SLC8A3: variants seen among roughly 807,000 people sequenced by gnomAD.
SLC8A3 encodes the protein solute carrier family 8 member A3.
SLC8A3 carries 37 observed loss-of-function variants against 65.4 expected under a neutral mutation model. The ratio of observed to expected loss-of-function variants is 0.57; its 90% CI spans 0.44 to 0.74. SLC8A3 has a LOEUF of 0.74. Among genes scored for constraint, SLC8A3 ranks in the 30% least tolerant of loss-of-function variants. SLC8A3 has a pLI of 0.00. For synonymous variants in SLC8A3, 461 were observed against 444.5 expected, an observed-to-expected ratio of 1.04 and a Z score of -0.47; for missense variants, 1,112 against 1,172.1, an observed-to-expected ratio of 0.95 and a Z score of 0.75.
intron 3 of SLC8A3, among the ~76,000 whole-genome samples, chr14:70,058,421 A>G (rs947520765): frequency 4.6e-5 from 7 of 152,216 alleles, no homozygotes; most frequent in African/African-American, 1.4e-4. Flanking sequence ...GAAAACATAG[A>G]CAATAAAATA....
At chr14:70,075,114 A>G (rs919241814) in intron 2 of SLC8A3, among the ~76,000 whole-genome samples, 1 of 152,038 alleles carries the variant, frequency 6.6e-6, no homozygotes, top group African/African-American at 2.4e-5. Flanking sequence ...GTCTCCTTCA[A>G]CTGTGTGTAT....
chr14:70,135,931 T>C (rs1186789069), intron 2 of SLC8A3, among the ~76,000 whole-genome samples: 1 of 152,120 alleles, frequency 6.6e-6, no homozygotes, highest in African/African-American at 2.4e-5. Flanking sequence ...ATGAGAAATG[T>C]TTGAGGTGAT....
intron 1 of SLC8A3, among the ~76,000 whole-genome samples, chr14:70,168,912 A>G (rs138032398): frequency 1.3e-5 from 2 of 152,298 alleles, no homozygotes; most frequent in Non-Finnish European, 2.9e-5. Context: ...ATAGGTTTGC[A>G]AGAGAGTATA....
intron 2 of SLC8A3, among the ~76,000 whole-genome samples, chr14:70,104,837 A>G (rs1892750385): frequency 6.6e-6 from 1 of 152,200 alleles, no homozygotes; most frequent in Non-Finnish European, 1.5e-5. Context: ...AAATGCACTT[A>G]TTAGAAAAGA....
At chr14:70,175,119 A>C (rs1897821802) in intron 1 of SLC8A3, among the ~76,000 whole-genome samples, 1 of 152,188 alleles carries the variant, frequency 6.6e-6, no homozygotes, top group Admixed American at 6.5e-5. Context: ...AAGAGAAAAG[A>C]AAGCTTCCTA....
chr14:70,183,252 C>T (rs1425568993), intron 1 of SLC8A3, among the ~76,000 whole-genome samples: 1 of 152,132 alleles, frequency 6.6e-6, no homozygotes, highest in African/African-American at 2.4e-5. Flanking sequence ...ATAGATGAAA[C>T]AGAGCTGTTT....
chr14:70,092,178 A>G (rs542500996), intron 2 of SLC8A3, among the ~76,000 whole-genome samples: 1 of 152,246 alleles, frequency 6.6e-6, no homozygotes, highest in South Asian at 2.1e-4. Flanking sequence ...CTACTGAGCT[A>G]CTTGCCCTTC....
At chr14:70,066,768 G>T (rs772241638) in intron 2 of SLC8A3, among the ~76,000 whole-genome samples, 1 of 152,156 alleles carries the variant, frequency 6.6e-6, no homozygotes, top group Non-Finnish European at 1.5e-5. Context: ...CCGAGATTGT[G>T]CCATTGCACT....
At chr14:70,077,406 A>G (rs1428026095) in intron 2 of SLC8A3, among the ~76,000 whole-genome samples, 1 of 152,146 alleles carries the variant, frequency 6.6e-6, no homozygotes, top group Non-Finnish European at 1.5e-5. Flanking sequence ...ATTCCCTGTT[A>G]ATCCAACACT....
intron 2 of SLC8A3, among the ~76,000 whole-genome samples, chr14:70,119,982 G>A (rs1369892260): frequency 6.6e-6 from 1 of 152,194 alleles, no homozygotes; most frequent in East Asian, 1.9e-4. Context: ...GATGACTAGG[G>A]GAGTGTATGT....
intron 3 of SLC8A3, chr14:70,059,373 AC>A (rs751602772): frequency 6.6e-6 from 1 of 152,054 alleles, no homozygotes; most frequent in Non-Finnish European, 1.5e-5. Flanking sequence ...CAGTATGATC[AC>A]CCCTTTTTGA....
At position 70,046,227 on chromosome 14, in the gene SLC8A3, C is replaced by T; in HGVS notation, c.2486G>A (p.Gly829Asp). Reference protein sequence around the residue: ...TGSNAVNVFLGIGLAWSVAAI... With the variant: ...TGSNAVNVFLDIGLAWSVAAI... Reference sequence around the variant, plus strand: ...GGCCACGGACCAGGCCAGGCCGATGCCCAGGAAGACATTGACGGCGTTGCT... The same window carrying T: ...GGCCACGGACCAGGCCAGGCCGATGTCCAGGAAGACATTGACGGCGTTGCT... Residue 829 changes from glycine to aspartate, a missense_variant, in exon 7 of 7, where the codon GGC becomes GAC. Physicochemically the swap from Gly to Asp is moderately conservative, Grantham distance 94 (BLOSUM62 -1). Coordinates refer to ENST00000356921, the MANE Select transcript of SLC8A3 (RefSeq NM_182932.3). The surrounding 1 kb of genome is among the most constrained non-coding windows in gnomAD (Gnocchi z 4.2). The T allele has an allele frequency of 6.2e-7, 1 of 1,614,222 alleles. No homozygotes were observed. Among genetic ancestry groups the T allele is most frequent in the Non-Finnish European group, 8.5e-7 (1 of 1,180,032 alleles).
At chr14:70,174,651 GTTTTTTTTTTGTTTTTTTTTTTT>G (rs1329939471) in intron 1 of SLC8A3, among the ~76,000 whole-genome samples, 6 of 90,374 alleles carry the variant, frequency 6.6e-5, no homozygotes, top group East Asian at 3.7e-4. Flanking sequence ...GACCAAATCC[GTTTTTTTTTTGTTTTTTTTTTTT>G]TTTTTTTTTT....
At chr14:70,053,937 A>C (rs1887783078) in intron 3 of SLC8A3, among the ~76,000 whole-genome samples, 1 of 152,260 alleles carries the variant, frequency 6.6e-6, no homozygotes, top group South Asian at 2.1e-4. Flanking sequence ...AATGTTGTTA[A>C]TTTCTTGAGA....
chr14:70,132,380 G>T (rs554707123), intron 2 of SLC8A3, among the ~76,000 whole-genome samples: 1 of 152,350 alleles, frequency 6.6e-6, no homozygotes, highest in African/African-American at 2.4e-5. Context: ...ATATGTTAGT[G>T]CTTTTAAAAA....
rs933995710 is a variant in SLC8A3, at chr14:70,164,233, C to A, written c.1784+2406G>T. Among the ~76,000 whole-genome samples, 13 of 152,110 alleles carry A rather than the reference C, an allele frequency of 8.5e-5. 1 individual carries two copies. The South Asian group carries it at 1.7e-3, about 19-fold the overall frequency. On this transcript the variant is annotated intron_variant, in intron 2 of 6. Coordinates refer to ENST00000356921, the MANE Select transcript of SLC8A3 (RefSeq NM_182932.3). Reference sequence around the variant, plus strand: ...ATTTCCCCAAACTACATTATTAAATCAGTAGTGGAGCCAGAATCCTAACCC... The same window carrying A: ...ATTTCCCCAAACTACATTATTAAATAAGTAGTGGAGCCAGAATCCTAACCC...
intron 2 of SLC8A3, among the ~76,000 whole-genome samples, chr14:70,085,757 T>C (rs1254889453): frequency 6.6e-6 from 1 of 152,228 alleles, no homozygotes; most frequent in Non-Finnish European, 1.5e-5. Flanking sequence ...CTATGCCACA[T>C]GTTGTTTAAT....
At position 70,045,343 on chromosome 14, in the gene SLC8A3, A is replaced by C. The variant is rs1303858721; in HGVS notation, c.*604T>G. ...CAGGAGAGCATGTGTCTAAAAATTC[A>C]TGTTTCTCTCTGTTGGCTCGGACCT... is the stretch of plus-strand genomic sequence containing the variant. On this transcript the variant is annotated 3_prime_UTR_variant, in exon 7 of 7. Coordinates refer to ENST00000356921, the MANE Select transcript of SLC8A3 (RefSeq NM_182932.3). 6.6e-6 allele frequency: 1 copy of C among 152,102 alleles called. No homozygotes were observed. Among genetic ancestry groups the C allele is most frequent in the Non-Finnish European group, 1.5e-5 (1 of 68,028 alleles). 9.4% of individuals were successfully genotyped at this position (152,102 alleles called of 1,614,324 possible).
rs1886835950 is a variant in SLC8A3 at position 70,046,712 on chromosome 14, T to G, written c.2390-389A>C. On this transcript the variant is annotated intron_variant, in intron 6 of 6. Coordinates refer to ENST00000356921, the MANE Select transcript of SLC8A3 (RefSeq NM_182932.3). This position sits in a 1 kb window ranked among gnomAD's most constrained non-coding sequence, Gnocchi z 4.2. ...TGGAGTAGATGCCTGATTTTAACTG[T>G]CATATGGGGCATTTATTCACGAACC... 2 of 176,636 alleles carry G rather than the reference T, an allele frequency of 1.1e-5. No homozygotes were observed. Among genetic ancestry groups the G allele is most frequent in the Admixed American group, 5.6e-5 (1 of 18,008 alleles). 10.9% of individuals were successfully genotyped at this position (176,636 alleles called of 1,614,324 possible). A position where few individuals can be genotyped will look rare whatever the true frequency, so the allele number is the denominator to read the frequency against.
Sources: allele counts gnomAD v4.1 joint callset (sites outside exome capture counted in the v4.1 genomes callset), GRCh38; gene constraint gnomAD v4.1.1; non-coding constraint Gnocchi (gnomAD v3.1); transcripts MANE v1.5; gene names NCBI Gene and HGNC (gene_info 2026-07-23, HGNC 2026-07-21).